Variants in ASB7 observed in about 807,000 individuals in gnomAD.
ASB7 encodes ankyrin repeat and SOCS box protein 7.
ASB7 carries 4 observed loss-of-function variants against 32.5 expected under a neutral mutation model. The ratio of observed to expected loss-of-function variants is 0.12; its 90% CI spans 0.06 to 0.28. The LOEUF (loss-of-function observed/expected upper bound fraction) is 0.28, where lower values mean the gene tolerates loss of function less well. Ranked by LOEUF, ASB7 falls within the 10% of genes least tolerant of loss-of-function variation. The pLI is 1.00. For missense variants in ASB7, 181 were observed against 407.1 expected (o/e 0.44, Z 4.78); for synonymous variants, 172 against 155.6 (o/e 1.11, Z -0.78).
chr15:100,621,495 T>C (rs1029185873), intron 4 of ASB7, among the ~76,000 whole-genome samples: 5 of 152,180 alleles, frequency 3.3e-5, no homozygotes, highest in African/African-American at 1.2e-4. Flanking sequence ...GCAGTAGTTA[T>C]TAGGAAATGC....
chr15:100,610,311 G>A lies in ASB7; in HGVS notation c.-52+483G>A, dbSNP rs915314994. On this transcript the variant is annotated intron_variant, in intron 3 of 5. Coordinates refer to ENST00000332783, the MANE Select transcript of ASB7 (RefSeq NM_198243.3). ...AGATCGAGACCATCCTGGCTAACAC[G>A]GTGAAACCCCGTCTCTACTAAAAAT... is the stretch of plus-strand genomic sequence containing the variant. Among the ~76,000 whole-genome samples the A allele has an allele frequency of 4.6e-5, 7 of 151,928 alleles. No homozygotes were observed. In the East Asian group the frequency reaches 5.8e-4, roughly 13 times the overall value.
At chr15:100,607,151 C>CAA (rs35799567) in intron 2 of ASB7, among the ~76,000 whole-genome samples, 141 of 126,770 alleles carry the variant, frequency 1.1e-3, no homozygotes, top group East Asian at 6.4e-3. Context: ...GCCTCCGTCT[C>CAA]AAAAAAAAAA....
chr15:100,626,661 C>G (rs111739440), intron 4 of ASB7, among the ~76,000 whole-genome samples: 1 of 152,146 alleles, frequency 6.6e-6, no homozygotes, highest in African/African-American at 2.4e-5. Flanking sequence ...GTCTCTCTCT[C>G]ATATATTAAT....
chr15:100,632,479 A>G (rs893543839), intron 5 of ASB7, among the ~76,000 whole-genome samples: 1 of 152,210 alleles, frequency 6.6e-6, no homozygotes, highest in Non-Finnish European at 1.5e-5. Context: ...GGTGAACAAT[A>G]TGGGCTAGAA....
At chr15:100,604,855 ACTTCAGAACTTTT>A (rs1196274546) in intron 2 of ASB7, among the ~76,000 whole-genome samples, 1 of 152,248 alleles carries the variant, frequency 6.6e-6, no homozygotes, top group Non-Finnish European at 1.5e-5. Context: ...CCTAATGATT[ACTTCAGAACTTTT>A]AAAAAATGCT....
rs778314472 is a variant in ASB7 at position 100,612,263 on chromosome 15, T to G, written c.47T>G (p.Leu16Trp). Residue 16 changes from leucine (L) to tryptophan (W), a missense_variant, in exon 4 of 6, where the codon TTG becomes TGG. By Grantham distance (61) the Leu-to-Trp change is moderately conservative. Coordinates refer to ENST00000332783, the MANE Select transcript of ASB7 (RefSeq NM_198243.3). ...AGGAACCCTGAGCTCCAGGAAGAGT[T>G]GCAGATTCAGGCCGCGGTGGCTGCT... ...CRRNPELQEE[L>W]QIQAAVAAGD... The G allele has an allele frequency of 6.2e-7, 1 of 1,614,204 alleles. No homozygotes were observed. The highest frequency in any genetic ancestry group is 8.5e-7 in the Non-Finnish European group (1 of 1,180,018).
Position 100,605,994 on chromosome 15 carries a change from T to G in ASB7, c.-174+2681T>G, listed in dbSNP as rs1335443830. Among the ~76,000 whole-genome samples the G allele has an allele frequency of 2.0e-5, 3 of 152,216 alleles. No homozygotes were observed. The East Asian group carries it at 5.8e-4, about 29-fold the overall frequency. On this transcript the variant is annotated intron_variant, in intron 2 of 5. Coordinates refer to ENST00000332783, the MANE Select transcript of ASB7 (RefSeq NM_198243.3). ...TACTAATACCTTTATTTGTTTTGGA[T>G]CATAACCACTATGCTATACTTTGTT...
intron 2 of ASB7, among the ~76,000 whole-genome samples, chr15:100,604,134 C>T (rs1226983649): frequency 6.6e-6 from 1 of 152,192 alleles, no homozygotes; most frequent in Non-Finnish European, 1.5e-5. Flanking sequence ...ATATCTGGGT[C>T]TTAATTTTAG....
At chr15:100,632,665 G>T (rs1435506794) in intron 5 of ASB7, among the ~76,000 whole-genome samples, 1 of 152,146 alleles carries the variant, frequency 6.6e-6, no homozygotes, top group East Asian at 1.9e-4. Context: ...ATCGCAGACT[G>T]CCGAGGTATA....
intron 5 of ASB7, among the ~76,000 whole-genome samples, chr15:100,636,785 G>A (rs1306220952): frequency 1.3e-5 from 2 of 152,184 alleles, no homozygotes; most frequent in African/African-American, 2.4e-5. Context: ...TTAGAATGAC[G>A]TTTTTCAGTG....
intron 2 of ASB7, among the ~76,000 whole-genome samples, chr15:100,603,623 C>T (rs1335316332): frequency 6.6e-6 from 1 of 152,060 alleles, no homozygotes; most frequent in Non-Finnish European, 1.5e-5. Context: ...AGCTACCCTC[C>T]CTTCCTTACT....
At chr15:100,633,524 C>G (rs1029336638) in intron 5 of ASB7, among the ~76,000 whole-genome samples, 13 of 151,842 alleles carry the variant, frequency 8.6e-5, no homozygotes, top group East Asian at 3.9e-4. Flanking sequence ...TTGCAGTGAG[C>G]CAAGATTGTG....
chr15:100,648,637 TTA>T lies in ASB7; in HGVS notation c.*186_*187del, dbSNP rs1160019723. 2 of 499,986 alleles carry T rather than the reference TTA, an allele frequency of 4.0e-6. No homozygotes were observed. The highest frequency in any genetic ancestry group is 6.9e-6 in the Non-Finnish European group (2 of 288,012). 31.0% of individuals were successfully genotyped at this position (499,986 alleles called of 1,614,324 possible). A position where few individuals can be genotyped will look rare whatever the true frequency, so the allele number is the denominator to read the frequency against. The stretch of plus-strand genomic sequence containing the variant: ...GTTTTCATTGTAGGGGAGGGATTTT[TTA>T]TATATATATAAAAACACACACCACA... On this transcript the variant is annotated 3_prime_UTR_variant, in exon 6 of 6. Coordinates refer to ENST00000332783, the MANE Select transcript of ASB7 (RefSeq NM_198243.3).
intron 5 of ASB7, among the ~76,000 whole-genome samples, chr15:100,630,750 G>T (rs1360295778): frequency 1.3e-5 from 2 of 152,098 alleles, no homozygotes; most frequent in East Asian, 3.9e-4. Flanking sequence ...TTCCTCTGAT[G>T]GGGTATCAGC....
intron 3 of ASB7, among the ~76,000 whole-genome samples, chr15:100,610,908 A>C (rs985449433): frequency 1.3e-5 from 2 of 152,228 alleles, no homozygotes; most frequent in African/African-American, 4.8e-5. Context: ...GCTTTCTGGA[A>C]GCTTGTTAGT....
intron 4 of ASB7, among the ~76,000 whole-genome samples, chr15:100,615,966 AGT>A (rs1292232777): frequency 1.3e-5 from 2 of 152,216 alleles, no homozygotes; most frequent in Non-Finnish European, 2.9e-5. Flanking sequence ...ATTATGTGAG[AGT>A]TTATTTCTTG....
At chr15:100,631,305 T>G (rs1450769496) in intron 5 of ASB7, among the ~76,000 whole-genome samples, 1 of 152,214 alleles carries the variant, frequency 6.6e-6, no homozygotes, top group Non-Finnish European at 1.5e-5. Flanking sequence ...AACTGAAATT[T>G]CAATTTTATT....
rs1023103186 is a variant in ASB7 at position 100,651,508 on chromosome 15, C to T, written c.*3046C>T. 6.6e-6 allele frequency: 1 copy of T among 152,142 alleles called. No individual in the cohort carries two copies. Among genetic ancestry groups the T allele is most frequent in the Non-Finnish European group, 1.5e-5 (1 of 68,022 alleles). The allele number at this position is 152,142 out of a possible 1,614,324, so 9.4% of individuals were successfully genotyped here. A position where few individuals can be genotyped will look rare whatever the true frequency, so the allele number is the denominator to read the frequency against. On this transcript the variant is annotated 3_prime_UTR_variant, in exon 6 of 6. Transcript: ENST00000332783. ...AGTTTAATGACCGGCGTGGACCATA[C>T]GAAATTGAGATTCTAACTTTCCTGC...
At chr15:100,620,436 T>C (rs1311806091) in intron 4 of ASB7, among the ~76,000 whole-genome samples, 1 of 152,232 alleles carries the variant, frequency 6.6e-6, no homozygotes. Context: ...CTGCTTTACC[T>C]TCAAGCATCC....
Sources: gnomAD v4.1 joint callset for allele counts (sites outside exome capture counted in the v4.1 genomes callset) on GRCh38, gnomAD v4.1.1 for gene constraint, MANE v1.5 for transcripts, NCBI Gene and HGNC (gene_info 2026-07-23, HGNC 2026-07-21) for gene names.